GGH: variants seen among roughly 807,000 people sequenced by gnomAD.
GGH encodes the protein gamma-glutamyl hydrolase.
In GGH, 18 loss-of-function variants were observed where a neutral mutation model predicts 39.2. The observed-to-expected ratio is 0.46, with a 90% CI of 0.32 to 0.68. The LOEUF is 0.68. GGH is among the 30% of genes least tolerant of loss of function. The pLI is 0.04. For missense variants in GGH, 367 were observed against 384.1 expected (o/e 0.96, Z 0.37); for synonymous variants, 147 against 138.8 (o/e 1.06, Z -0.42).
chr8:63,031,561 G>T (rs532389647), intron 2 of GGH, among the ~76,000 whole-genome samples: 127 of 152,302 alleles, frequency 8.3e-4, no homozygotes, highest in African/African-American at 3.0e-3. Flanking sequence ...GACCAAAATG[G>T]ATTTAGATCA....
chr8:63,032,184 C>T (rs1804818503), intron 2 of GGH, among the ~76,000 whole-genome samples: 1 of 152,008 alleles, frequency 6.6e-6, no homozygotes, highest in Non-Finnish European at 1.5e-5. Context: ...TAGGTGCACG[C>T]CACCACTCCC....
chr8:63,038,764 GC>G lies in GGH; in HGVS notation c.4del (p.Ala2ProfsTer38). Reference protein sequence around the residue: MASPGCLLCVLG... With the variant: MXSPGCLLCVLG... ...CACGCACAGCAGGCAGCCCGGACTGGCCATGGCGCTCGCCGCCTCCCGCCGC... is the reference window on the plus strand; with the variant it reads ...CACGCACAGCAGGCAGCCCGGACTGGCATGGCGCTCGCCGCCTCCCGCCGC... On this transcript the variant is annotated frameshift_variant, in exon 1 of 9. Coordinates refer to ENST00000260118, the MANE Select transcript of GGH (RefSeq NM_003878.3). LOFTEE classifies it high-confidence loss of function. 6.5e-7 allele frequency: 1 copy of G among 1,537,578 alleles called. No individual in the cohort carries two copies. The highest frequency in any genetic ancestry group is 8.7e-7 in the Non-Finnish European group (1 of 1,145,748).
At position 63,016,512 on chromosome 8, in the gene GGH, A is replaced by G. The variant is rs566886136; in HGVS notation, c.835+981T>C. ...AGTCTTTAAATGGCTATACCTCACC[A>G]AAGTGATCTCTACCGTTTACAAGTT... On this transcript the variant is annotated intron_variant, in intron 8 of 8. Coordinates refer to ENST00000260118, the MANE Select transcript of GGH (RefSeq NM_003878.3). 1.8e-4 allele frequency among the ~76,000 whole-genome samples: 27 copies of G among 152,314 alleles called. No homozygotes were observed. The South Asian group carries it at 5.4e-3, about 30-fold the overall frequency.
chr8:63,026,736 G>A (rs570193147), intron 4 of GGH, among the ~76,000 whole-genome samples: 1 of 152,266 alleles, frequency 6.6e-6, no homozygotes, highest in East Asian at 1.9e-4. Context: ...ACATTACAAA[G>A]GAGAAGTCAG....
At chr8:63,032,809 C>T (rs950214217) in intron 2 of GGH, among the ~76,000 whole-genome samples, 2 of 152,222 alleles carry the variant, frequency 1.3e-5, no homozygotes, top group Non-Finnish European at 2.9e-5. Flanking sequence ...TGCTGACAGT[C>T]GTGTTCTCAG....
At chr8:63,026,347 A>G (rs1335042853) in intron 4 of GGH, 51 bp from the exon 5 acceptor site, 1 of 1,449,882 alleles carries the variant, frequency 6.9e-7, no homozygotes, top group Non-Finnish European at 9.5e-7. Context: ...TTTTCAAAAT[A>G]AAAATTAGCC....
intron 4 of GGH, 109 bp downstream of exon 4, chr8:63,027,072 G>A (rs983863175): frequency 8.2e-6 from 6 of 734,030 alleles, no homozygotes; most frequent in South Asian, 7.2e-5. Flanking sequence ...GGTATGATGA[G>A]GCTAAGGGTA....
At chr8:63,034,450 T>G (rs970543076) in intron 2 of GGH, among the ~76,000 whole-genome samples, 2 of 152,194 alleles carry the variant, frequency 1.3e-5, no homozygotes, top group African/African-American at 4.8e-5. Flanking sequence ...AGGAATTGTT[T>G]GCAAAAACAG....
Position 63,020,035 on chromosome 8 carries a change from T to C in GGH, c.698-2405A>G, listed in dbSNP as rs1804559441. ...ACTTGATAGAGCTTATTTTGAGAAA[T>C]AAAGTTTACAGTTTTTATTTTTATA... On this transcript the variant is annotated intron_variant, in intron 7 of 8. Coordinates refer to ENST00000260118, the MANE Select transcript of GGH (RefSeq NM_003878.3). Among the ~76,000 whole-genome samples the C allele has an allele frequency of 2.6e-5, 4 of 152,204 alleles. No individual in the cohort carries two copies. In the South Asian group the frequency reaches 6.2e-4, roughly 24 times the overall value.
chr8:63,031,153 G>C (rs572382857), intron 2 of GGH, among the ~76,000 whole-genome samples: 1 of 152,228 alleles, frequency 6.6e-6, no homozygotes, highest in South Asian at 2.1e-4. Context: ...GAAGTTTTAG[G>C]GGGAGGTAAA....
chr8:63,018,118 CTT>C (rs1804519673), intron 7 of GGH: 1 of 152,368 alleles, frequency 6.6e-6, no homozygotes, highest in African/African-American at 2.4e-5. Flanking sequence ...TGACTGATGA[CTT>C]TGTGGTATAA....
chr8:63,030,015 A>T (rs1804773770), intron 3 of GGH, 152 bp downstream of exon 3: 3 of 456,560 alleles, frequency 6.6e-6, no homozygotes, highest in Non-Finnish European at 1.2e-5. Flanking sequence ...CTCCCAAGAA[A>T]ATAAATCCTA....
intron 3 of GGH, among the ~76,000 whole-genome samples, chr8:63,029,424 A>T (rs1022403543): frequency 5.9e-5 from 9 of 152,148 alleles, no homozygotes; most frequent in Non-Finnish European, 1.3e-4. Context: ...GTTTTATTTA[A>T]CCAATTCTCA....
At chr8:63,024,523 T>C (rs1804649399) in intron 5 of GGH, 2 of 189,596 alleles carry the variant, frequency 1.1e-5, no homozygotes, top group South Asian at 2.6e-4. Flanking sequence ...AAACTTTCCA[T>C]GGGTGTATGT....
intron 4 of GGH, chr8:63,026,935 TTCACATTAACAAGCA>T (rs1423993944): frequency 1.2e-5 from 6 of 483,138 alleles, no homozygotes; most frequent in Non-Finnish European, 2.2e-5. Context: ...GAGGACACGG[TTCACATTAACAAGCA>T]TCAAGAGAGG....
chr8:63,031,286 C>T (rs957378322), intron 2 of GGH, among the ~76,000 whole-genome samples: 4 of 152,182 alleles, frequency 2.6e-5, no homozygotes, highest in Non-Finnish European at 5.9e-5. Flanking sequence ...AGGTCTCTCA[C>T]AAGTTCATAG....
intron 2 of GGH, among the ~76,000 whole-genome samples, chr8:63,032,834 A>G (rs530687453): frequency 6.6e-6 from 1 of 152,314 alleles, no homozygotes; most frequent in Admixed American, 6.5e-5. Context: ...TCTCATAAAT[A>G]CCAATATTCT....
chr8:63,033,752 A>G (rs1468575306), intron 2 of GGH, among the ~76,000 whole-genome samples: 34 of 151,970 alleles, frequency 2.2e-4, no homozygotes, highest in Admixed American at 2.2e-3. Flanking sequence ...AGTATCCAAT[A>G]GGTAGTTTTT....
intron 7 of GGH, among the ~76,000 whole-genome samples, chr8:63,019,883 C>A (rs1308607314): frequency 2.0e-5 from 3 of 152,124 alleles, no homozygotes; most frequent in Admixed American, 6.5e-5. Flanking sequence ...TTAAAAAAAT[C>A]TTTAAAGGGC....
Sources: gnomAD v4.1 joint callset for allele counts (sites outside exome capture counted in the v4.1 genomes callset) on GRCh38, gnomAD v4.1.1 for gene constraint, MANE v1.5 for transcripts, NCBI Gene and HGNC (gene_info 2026-07-23, HGNC 2026-07-21) for gene names.